RANBP2: variants seen among roughly 807,000 people sequenced by gnomAD.
RANBP2 encodes RAN binding protein 2, also known as E3 SUMO-protein ligase RanBP2.
In RANBP2, 57 loss-of-function variants were observed where a neutral mutation model predicts 303.6. The ratio of observed to expected loss-of-function variants is 0.19; its 90% CI spans 0.15 to 0.23. The LOEUF (loss-of-function observed/expected upper bound fraction) is 0.23, where lower values mean the gene tolerates loss of function less well. RANBP2 is among the 10% of genes least tolerant of loss of function. RANBP2 has a pLI of 1.00. For missense variants in RANBP2, 3,138 were observed against 3,780.8 expected, an observed-to-expected ratio of 0.83 and a Z score of 4.46; for synonymous variants, 1,167 against 1,301.5, an observed-to-expected ratio of 0.90 and a Z score of 2.23.
chr2:109,483,284 G>A, the RANBP2 span, among the ~76,000 whole-genome samples: 1 of 152,216 alleles, frequency 6.6e-6, no homozygotes, highest in Non-Finnish European at 1.5e-5. Flanking sequence ...ACTCAACAAA[G>A]ATAAGTCCCC....
chr2:109,626,642 C>T, the RANBP2 span, among the ~76,000 whole-genome samples: 1 of 152,126 alleles, frequency 6.6e-6, no homozygotes, highest in Non-Finnish European at 1.5e-5. Flanking sequence ...ACTGGCCACT[C>T]GACTCTATTC....
the RANBP2 span, chr2:109,594,667 C>A: frequency 2.0e-5 from 3 of 152,222 alleles, no homozygotes; most frequent in Non-Finnish European, 2.9e-5. Context: ...AAAGAGAGAA[C>A]CTGGGTGCTC....
intron 5 of RANBP2, 34 bp from the exon 6 acceptor site, chr2:108,736,070 A>C: frequency 6.2e-7 from 1 of 1,611,740 alleles, no homozygotes; most frequent in Non-Finnish European, 8.5e-7. Context: ...CATTTGATTA[A>C]GTTTTGTAAC....
the RANBP2 span, among the ~76,000 whole-genome samples, chr2:109,088,535 CAA>C: frequency 1.3e-5 from 2 of 151,650 alleles, no homozygotes; most frequent in African/African-American, 4.8e-5. Context: ...TTTTTTGAGA[CAA>C]AGTTTCACTT....
the RANBP2 span, chr2:109,129,474 G>C: frequency 5.4e-6 from 8 of 1,493,508 alleles, no homozygotes; most frequent in Non-Finnish European, 7.1e-6. Context: ...GCTGGCTGCC[G>C]GTGGCGGGCT....
At chr2:109,172,156 C>G in the RANBP2 span, among the ~76,000 whole-genome samples, 1 of 152,202 alleles carries the variant, frequency 6.6e-6, no homozygotes, top group African/African-American at 2.4e-5. Flanking sequence ...CCGGAGCCAT[C>G]TGGAATATGC....
the RANBP2 span, among the ~76,000 whole-genome samples, chr2:108,924,892 T>C: frequency 3.7e-4 from 57 of 152,358 alleles, no homozygotes; most frequent in African/African-American, 1.3e-3. Context: ...TTCACGGGCA[T>C]GTGGGCCAGA....
At chr2:109,125,267 TGAGCCTGTCACATTCCCACACCTTAGCA>T in the RANBP2 span, among the ~76,000 whole-genome samples, 1 of 152,158 alleles carries the variant, frequency 6.6e-6, no homozygotes, top group East Asian at 1.9e-4. Flanking sequence ...TTTGACTAGC[TGAGCCTGTCACATTCCCACACCTTAGCA>T]GAGTTGGTGG....
chr2:109,472,322 T>C, the RANBP2 span, among the ~76,000 whole-genome samples: 1 of 150,612 alleles, frequency 6.6e-6, no homozygotes. Context: ...TCCCGGGCCC[T>C]CCTCACCTGC....
the RANBP2 span, among the ~76,000 whole-genome samples, chr2:109,501,314 A>AT: frequency 6.6e-6 from 1 of 152,176 alleles, no homozygotes; most frequent in African/African-American, 2.4e-5. Flanking sequence ...TGCCTTTTAA[A>AT]TTTTTTTTAT....
chr2:109,357,718 T>A, the RANBP2 span, among the ~76,000 whole-genome samples: 4 of 152,322 alleles, frequency 2.6e-5, no homozygotes, highest in East Asian at 7.7e-4. Context: ...GTTTGCTCAT[T>A]TTCATTGCTC....
chr2:108,823,806 G>A, the RANBP2 span, among the ~76,000 whole-genome samples: 3 of 152,198 alleles, frequency 2.0e-5, no homozygotes, highest in South Asian at 4.1e-4. Flanking sequence ...GTGAAACTCC[G>A]TTTTTACTAA....
At chr2:109,051,829 A>C in the RANBP2 span, among the ~76,000 whole-genome samples, 1 of 151,984 alleles carries the variant, frequency 6.6e-6, no homozygotes, top group Non-Finnish European at 1.5e-5. Flanking sequence ...GCTCACTGCA[A>C]TATCTGCCTC....
At chr2:108,795,347 G>T in the RANBP2 span, among the ~76,000 whole-genome samples, 23 of 151,786 alleles carry the variant, frequency 1.5e-4, no homozygotes, top group Non-Finnish European at 2.2e-4. Flanking sequence ...GTAGAGATGG[G>T]GTTTCACCAT....
the RANBP2 span, among the ~76,000 whole-genome samples, chr2:109,281,278 G>T: frequency 6.6e-5 from 10 of 152,342 alleles, no homozygotes; most frequent in African/African-American, 2.4e-4. Flanking sequence ...TGTGGGTTTT[G>T]TTGGGGTGGA....
At chr2:108,865,789 C>T in the RANBP2 span, among the ~76,000 whole-genome samples, 1 of 152,048 alleles carries the variant, frequency 6.6e-6, no homozygotes. Flanking sequence ...GGGTTTTTGC[C>T]TGCTTACTCC....
chr2:109,414,510 A>G, the RANBP2 span, among the ~76,000 whole-genome samples: 1 of 152,112 alleles, frequency 6.6e-6, no homozygotes, highest in African/African-American at 2.4e-5. Flanking sequence ...ACGAGGAGCA[A>G]TCAGAGGCTC....
chr2:109,239,581 G>T, the RANBP2 span, among the ~76,000 whole-genome samples: 5 of 152,216 alleles, frequency 3.3e-5, no homozygotes, highest in African/African-American at 1.2e-4. Flanking sequence ...ACCATTGTTT[G>T]CACACACGAG....
the RANBP2 span, among the ~76,000 whole-genome samples, chr2:109,407,031 C>T: frequency 6.6e-6 from 1 of 152,232 alleles, no homozygotes; most frequent in Non-Finnish European, 1.5e-5. Context: ...TAGTGTGGCT[C>T]TGACGGCTAT....
Sources: allele counts gnomAD v4.1 joint callset (sites outside exome capture counted in the v4.1 genomes callset), GRCh38; gene constraint gnomAD v4.1.1; transcripts MANE v1.5; gene names NCBI Gene and HGNC (gene_info 2026-07-23, HGNC 2026-07-21).